Variants in SMARCA2 observed in about 807,000 individuals in gnomAD.
SMARCA2 encodes the protein SWI/SNF-related matrix-associated actin-dependent regulator of chromatin subfamily A member 2.
Under a neutral mutation model 199.8 loss-of-function variants are expected in SMARCA2, and 61 were observed. That is an observed-to-expected ratio of 0.31 (90% CI 0.25 to 0.38). SMARCA2 has a LOEUF of 0.38. SMARCA2 is among the 10% of genes least tolerant of loss of function. SMARCA2 has a pLI of 1.00. For synonymous variants in SMARCA2, 935 were observed against 732.0 expected, an observed-to-expected ratio of 1.28 and a Z score of -4.48; for missense variants, 1,344 against 2,012.2, an observed-to-expected ratio of 0.67 and a Z score of 6.35.
intron 27 of SMARCA2, among the ~76,000 whole-genome samples, chr9:2,128,143 C>T (rs994964159): frequency 6.6e-6 from 1 of 152,160 alleles, no homozygotes; most frequent in African/African-American, 2.4e-5. Flanking sequence ...TCCTCCTCTC[C>T]AAGATGGCAT....
chr9:2,146,965 C>A (rs745568090), intron 27 of SMARCA2, among the ~76,000 whole-genome samples: 1 of 152,118 alleles, frequency 6.6e-6, no homozygotes, highest in Non-Finnish European at 1.5e-5. Flanking sequence ...ACTGACAATG[C>A]CTTAACTGTC....
intron 27 of SMARCA2, chr9:2,160,962 G>A (rs939374497): frequency 4.7e-6 from 1 of 214,492 alleles, no homozygotes; most frequent in African/African-American, 2.3e-5. Context: ...TTTTATACCT[G>A]GTTGTTTTTA....
intron 28 of SMARCA2, among the ~76,000 whole-genome samples, chr9:2,165,853 T>A (rs1825906404): frequency 6.6e-6 from 1 of 152,174 alleles, no homozygotes; most frequent in African/African-American, 2.4e-5. Flanking sequence ...AGAGGCATTA[T>A]TAACGTTGGA....
chr9:2,183,648 A>G (rs1827216651), intron 31 of SMARCA2, among the ~76,000 whole-genome samples: 1 of 152,194 alleles, frequency 6.6e-6, no homozygotes, highest in Admixed American at 6.5e-5. Flanking sequence ...GGAATAGAGA[A>G]ATCTTCAGAA....
intron 29 of SMARCA2, among the ~76,000 whole-genome samples, chr9:2,172,354 G>C (rs1210801035): frequency 6.7e-6 from 1 of 150,028 alleles, no homozygotes; most frequent in South Asian, 2.2e-4. Context: ...GATGGGAAGG[G>C]ATGGGGCAGG....
intron 4 of SMARCA2, chr9:2,043,816 G>T (rs932873118): frequency 7.9e-5 from 12 of 152,238 alleles, no homozygotes; most frequent in African/African-American, 2.9e-4. Context: ...TCCCCGCTTA[G>T]CTGCGCTGGG....
At chr9:2,146,564 C>G (rs1349464372) in intron 27 of SMARCA2, among the ~76,000 whole-genome samples, 1 of 152,010 alleles carries the variant, frequency 6.6e-6, no homozygotes, top group Non-Finnish European at 1.5e-5. Context: ...GAATCTTGCA[C>G]AAGAAAGAAT....
At chr9:2,158,632 C>A in intron 27 of SMARCA2, 2 of 269,448 alleles carry the variant, frequency 7.4e-6, no homozygotes, top group Non-Finnish European at 1.4e-5. Flanking sequence ...AGTACTTTAG[C>A]ATTGTGTAGC....
chr9:2,030,926 G>A (rs1819036880), intron 2 of SMARCA2, among the ~76,000 whole-genome samples: 1 of 152,130 alleles, frequency 6.6e-6, no homozygotes. Context: ...TTTCAAATTA[G>A]GAAAGTAATA....
chr9:2,050,709 G>C (rs1030312289), intron 5 of SMARCA2, among the ~76,000 whole-genome samples: 14 of 151,402 alleles, frequency 9.2e-5, no homozygotes, highest in African/African-American at 2.9e-4. Context: ...TGCTTTACCA[G>C]CAGAGTTACA....
chr9:2,112,575 T>G (rs1823052476), intron 24 of SMARCA2, among the ~76,000 whole-genome samples: 1 of 151,946 alleles, frequency 6.6e-6, no homozygotes, highest in Non-Finnish European at 1.5e-5. Flanking sequence ...CCCTCTTAAC[T>G]ACATGGGAAC....
intron 29 of SMARCA2, chr9:2,181,222 ATATT>A (rs1827001035): frequency 4.9e-6 from 1 of 205,962 alleles, no homozygotes; most frequent in African/African-American, 2.4e-5. Flanking sequence ...ATATACATAT[ATATT>A]TACCAATTCA....
chr9:2,090,213 A>C (rs1563761665), intron 19 of SMARCA2, among the ~76,000 whole-genome samples: 1 of 152,160 alleles, frequency 6.6e-6, no homozygotes, highest in Admixed American at 6.5e-5. Context: ...AAGGATGATA[A>C]AATTTTTATG....
Position 2,170,387 on chromosome 9 carries a change from C to G in SMARCA2, c.4200-32C>G, listed in dbSNP as rs753604227. On this transcript the variant is annotated intron_variant, in intron 28 of 33. Coordinates refer to ENST00000349721, the MANE Select transcript of SMARCA2 (RefSeq NM_003070.5). This position sits in a 1 kb window ranked among gnomAD's most constrained non-coding sequence, Gnocchi z 4.7. ...GGGCGGGGACGAGAACCCAGGTCTT[C>G]TGACTCTAGTGTTCTTTCTACTCTA... 8 of 1,613,862 alleles carry G rather than the reference C, an allele frequency of 5.0e-6. No individual in the cohort carries two copies. The highest frequency in any genetic ancestry group is 1.7e-5 in the Admixed American group (1 of 60,012).
intron 1 of SMARCA2, chr9:2,022,044 T>C (rs1818628427): frequency 6.7e-6 from 1 of 149,940 alleles, no homozygotes; most frequent in Non-Finnish European, 1.5e-5. Context: ...ACCGGTTGCC[T>C]GGAGCAAGAA....
chr9:2,176,486 A>G (rs1826613963), intron 29 of SMARCA2, among the ~76,000 whole-genome samples: 1 of 152,016 alleles, frequency 6.6e-6, no homozygotes, highest in Non-Finnish European at 1.5e-5. Flanking sequence ...CCTAACAGGG[A>G]ACTTTGTTTG....
At chr9:2,186,761 C>T (rs959186266) in intron 32 of SMARCA2, among the ~76,000 whole-genome samples, 8 of 152,324 alleles carry the variant, frequency 5.3e-5, no homozygotes, top group Admixed American at 4.6e-4. Context: ...CCTGGCCTCA[C>T]GTGATCCACC....
At chr9:2,047,540 A>G in intron 5 of SMARCA2, 56 bp downstream of exon 5, 1 of 1,248,912 alleles carries the variant, frequency 8.0e-7, no homozygotes, top group Non-Finnish European at 1.0e-6. Flanking sequence ...CTGCCGCCCA[A>G]GCCGAGGGGG....
intron 9 of SMARCA2, among the ~76,000 whole-genome samples, chr9:2,069,739 G>A (rs1821010235): frequency 1.3e-5 from 2 of 152,228 alleles, no homozygotes; most frequent in Admixed American, 6.5e-5. Context: ...CATGGAGTGG[G>A]TCATAGCTTA....
Sources: allele counts gnomAD v4.1 joint callset (sites outside exome capture counted in the v4.1 genomes callset), GRCh38; gene constraint gnomAD v4.1.1; non-coding constraint Gnocchi (gnomAD v3.1); transcripts MANE v1.5; gene names NCBI Gene and HGNC (gene_info 2026-07-23, HGNC 2026-07-21).